CDCP2: variants seen among roughly 807,000 people sequenced by gnomAD.
The protein encoded by CDCP2 is CUB domain-containing protein 2.
Under a neutral mutation model 31.0 loss-of-function variants are expected in CDCP2, and 31 were observed. The ratio of observed to expected loss-of-function variants is 1.00; its 90% CI spans 0.75 to 1.35. The LOEUF is 1.35. Among genes scored for constraint, CDCP2 ranks in the 40% most tolerant of loss-of-function variants. The probability of loss-of-function intolerance (pLI) is 0.00; values close to 1 mark genes in which losing one functional copy is unlikely to be tolerated. For synonymous variants in CDCP2, 206 were observed against 207.9 expected (o/e 0.99, Z 0.08); for missense variants, 443 against 482.6 (o/e 0.92, Z 0.77).
At chr1:54,136,774 G>A (rs1659265541) in exon 5 of CDCP2, 1 of 399,096 alleles carries the variant, frequency 2.5e-6, no homozygotes, top group Non-Finnish European at 4.4e-6. Flanking sequence ...GGATCTGGAA[G>A]TCCGTGCGGG....
At chr1:54,148,983 A>ATC (rs1408972971) in intron 1 of CDCP2, among the ~76,000 whole-genome samples, 1 of 147,112 alleles carries the variant, frequency 6.8e-6, no homozygotes, top group East Asian at 1.9e-4. Flanking sequence ...AAATATATAT[A>ATC]TATATAATAT....
intron 5 of CDCP2, among the ~76,000 whole-genome samples, chr1:54,134,506 G>A (rs1262854374): frequency 3.9e-5 from 6 of 152,150 alleles, no homozygotes; most frequent in Non-Finnish European, 4.4e-5. Flanking sequence ...TCCCAACCAC[G>A]CCCAATCTGC....
chr1:54,144,360 C>G, intron 2 of CDCP2, 106 bp downstream of exon 2: 1 of 1,044,274 alleles, frequency 9.6e-7, no homozygotes, highest in Non-Finnish European at 1.4e-6. Flanking sequence ...CTGCCAAATC[C>G]CCCCTTGAAC....
chr1:54,133,913 C>CAAACAAAAAAA (rs748829165), intron 5 of CDCP2, among the ~76,000 whole-genome samples: 29,345 of 139,226 alleles, frequency 0.21, 4,046 homozygotes, highest in East Asian at 0.46. Context: ...AACAAACAAA[C>CAAACAAAAAAA]AAAAAAAACC....
chr1:54,134,353 T>G (rs1458354800), intron 5 of CDCP2, among the ~76,000 whole-genome samples: 2 of 152,194 alleles, frequency 1.3e-5, no homozygotes, highest in Non-Finnish European at 2.9e-5. Flanking sequence ...AGGAACAAGA[T>G]GTGGGGGCCT....
intron 1 of CDCP2, among the ~76,000 whole-genome samples, chr1:54,152,043 T>G (rs632961): frequency 0.02 from 2,981 of 152,200 alleles, 100 homozygotes; most frequent in African/African-American, 0.069. Flanking sequence ...TGCAGGAAAC[T>G]GAGGCTCAAT....
At chr1:54,146,853 A>G (rs1365032402) in intron 1 of CDCP2, among the ~76,000 whole-genome samples, 2 of 151,662 alleles carry the variant, frequency 1.3e-5, no homozygotes. Flanking sequence ...CAGTGGGCGG[A>G]TCGTTTGAGC....
At chr1:54,145,089 A>C (rs1267751618) in intron 1 of CDCP2, among the ~76,000 whole-genome samples, 1 of 152,164 alleles carries the variant, frequency 6.6e-6, no homozygotes. Flanking sequence ...CATGGAACCT[A>C]CATTCTGGCA....
intron 1 of CDCP2, among the ~76,000 whole-genome samples, chr1:54,150,082 C>T (rs1242358706): frequency 1.3e-5 from 2 of 152,198 alleles, no homozygotes; most frequent in Non-Finnish European, 1.5e-5. Flanking sequence ...CAGGGGTGGA[C>T]GCCTGACTCT....
At chr1:54,134,835 A>G (rs1659234117) in intron 5 of CDCP2, among the ~76,000 whole-genome samples, 1 of 152,072 alleles carries the variant, frequency 6.6e-6, no homozygotes, top group Admixed American at 6.5e-5. Flanking sequence ...TCCCGGGTTC[A>G]AGCGATTCTC....
exon 2 of CDCP2, chr1:54,144,543 G>A (rs779292002): frequency 6.2e-6 from 10 of 1,613,250 alleles, no homozygotes; most frequent in Middle Eastern, 1.7e-4. Flanking sequence ...GACATGCCAG[G>A]AGGAGGTGAA....
intron 5 of CDCP2, among the ~76,000 whole-genome samples, chr1:54,133,681 G>A (rs1426956214): frequency 6.6e-6 from 1 of 152,148 alleles, no homozygotes; most frequent in South Asian, 2.1e-4. Context: ...CGGATCATGA[G>A]GTCAGGAGAT....
rs57570905 is a variant in CDCP2 at position 54,148,965 on chromosome 1, TAA to T, written c.79+3877_79+3878del. Among the ~76,000 whole-genome samples the T allele has an allele frequency of 3.8e-3, 450 of 119,886 alleles. 12 individuals carry two copies. The highest frequency in any genetic ancestry group is 0.011 in the African/African-American group (364 of 33,066). The allele number at this position is 119,886 out of a possible 152,430, so 78.6% of individuals were successfully genotyped here. Reference sequence around the variant, plus strand: ...TTCTGATTTGAACAAATGAATTGTTTAAAAAAAAAATATATATATATATAATA... The same window carrying T: ...TTCTGATTTGAACAAATGAATTGTTTAAAAAAAATATATATATATATAATA... On this transcript the variant is annotated intron_variant, in intron 1 of 5. Coordinates refer to ENST00000530059, the Ensembl canonical transcript of CDCP2.
rs753629169 is a variant in CDCP2, at chr1:54,144,603, T to C, written c.290A>G (p.Asp97Gly). Reference sequence around the variant, plus strand: ...GAACCTCCCCAGCAGGTTGCCCTTGTCTGGTGAGGCCCCATTGTAGATCTC... The same window carrying C: ...GAACCTCCCCAGCAGGTTGCCCTTGCCTGGTGAGGCCCCATTGTAGATCTC... Residue 97 changes from aspartate (D) to glycine (G), a missense_variant, in exon 2 of 6, where the codon GAC becomes GGC. Physicochemically the swap from Asp to Gly is moderately conservative, Grantham distance 94 (BLOSUM62 -1). Transcript: ENST00000530059. The C allele has an allele frequency of 1.1e-5, 17 of 1,614,096 alleles. No individual in the cohort carries two copies. In the South Asian group the frequency reaches 1.8e-4, roughly 17 times the overall value.
At chr1:54,148,679 T>A (rs11585497) in intron 1 of CDCP2, among the ~76,000 whole-genome samples, 5,314 of 151,570 alleles carry the variant, frequency 0.035, 157 homozygotes, top group Admixed American at 0.083. Flanking sequence ...ATAAGATAAA[T>A]GACGCTGGGG....
intron 1 of CDCP2, among the ~76,000 whole-genome samples, chr1:54,149,854 C>A (rs1289301761): frequency 6.6e-6 from 1 of 152,220 alleles, no homozygotes; most frequent in Admixed American, 6.5e-5. Flanking sequence ...ATAATCCTCA[C>A]AACAGCCCCA....
At chr1:54,150,596 A>T (rs942907232) in intron 1 of CDCP2, among the ~76,000 whole-genome samples, 22 of 113,526 alleles carry the variant, frequency 1.9e-4, no homozygotes, top group Middle Eastern at 4.0e-3. Flanking sequence ...GACTCCATTT[A>T]AAAAAAAAAA....
In CDCP2 at chr1:54,133,913, C is replaced by CAAACAAAAAAAAA. The variant is rs748829165; in HGVS notation, c.1297-620_1297-619insTTTTTTTTTGTTT. 3.5e-5 allele frequency among the ~76,000 whole-genome samples: 5 copies of CAAACAAAAAAAAA among 144,888 alleles called. No individual in the cohort carries two copies. In the East Asian group the frequency reaches 6.5e-4, roughly 19 times the overall value. On this transcript the variant is annotated intron_variant, in intron 5 of 5. Coordinates refer to ENST00000530059, the Ensembl canonical transcript of CDCP2. ...TCCATCTCAAAAACAAACAAACAAA[C>CAAACAAAAAAAAA]AAAAAAAACCCCATGTTACAGAGGA...
intron 5 of CDCP2, among the ~76,000 whole-genome samples, chr1:54,133,832 C>A (rs1659211036): frequency 6.6e-6 from 1 of 150,824 alleles, no homozygotes; most frequent in Non-Finnish European, 1.5e-5. Context: ...GGAGGTGGAG[C>A]TTGCAGTGAG....
Sources: allele counts gnomAD v4.1 joint callset (sites outside exome capture counted in the v4.1 genomes callset), GRCh38; gene constraint gnomAD v4.1.1; transcripts MANE v1.5; gene names NCBI Gene and HGNC (gene_info 2026-07-23, HGNC 2026-07-21).